Variants in MAP2K5 observed in about 807,000 individuals in gnomAD.
The protein encoded by MAP2K5 is mitogen-activated protein kinase kinase 5, also known as dual specificity mitogen-activated protein kinase kinase 5.
Under a neutral mutation model 83.1 loss-of-function variants are expected in MAP2K5, and 49 were observed. The ratio of observed to expected loss-of-function variants is 0.59; its 90% CI spans 0.47 to 0.75. MAP2K5 has a LOEUF of 0.75. MAP2K5 is among the 30% of genes least tolerant of loss of function. MAP2K5 has a pLI of 0.00. For missense variants in MAP2K5, 457 were observed against 557.5 expected, an observed-to-expected ratio of 0.82 and a Z score of 1.82; for synonymous variants, 202 against 191.8, an observed-to-expected ratio of 1.05 and a Z score of -0.44.
chr15:67,584,049 A>G (rs548476563), intron 4 of MAP2K5, among the ~76,000 whole-genome samples: 8 of 152,270 alleles, frequency 5.3e-5, no homozygotes, highest in African/African-American at 1.9e-4. Flanking sequence ...ATGCCTGGCC[A>G]TAATTCTGAT....
intron 2 of MAP2K5, among the ~76,000 whole-genome samples, chr15:67,556,378 C>T (rs1360428502): frequency 6.6e-6 from 1 of 151,952 alleles, no homozygotes; most frequent in Non-Finnish European, 1.5e-5. Context: ...TTCTACAGTC[C>T]AGGATATTGA....
intron 19 of MAP2K5, among the ~76,000 whole-genome samples, chr15:67,763,169 G>C (rs1316102842): frequency 6.6e-6 from 1 of 152,016 alleles, no homozygotes; most frequent in African/African-American, 2.4e-5. Context: ...TAAGTTCAAA[G>C]CCTCGCTTTC....
chr15:67,629,077 A>C, intron 8 of MAP2K5: 1 of 738,394 alleles, frequency 1.4e-6, no homozygotes, highest in Admixed American at 1.7e-5. Context: ...CCATGAAACC[A>C]AGGTGGCCAT....
intron 13 of MAP2K5, among the ~76,000 whole-genome samples, chr15:67,687,428 A>G (rs1238013708): frequency 6.6e-6 from 1 of 152,220 alleles, no homozygotes; most frequent in African/African-American, 2.4e-5. Flanking sequence ...TACATAAACA[A>G]CATTGTTATC....
At chr15:67,681,727 G>A (rs74020405) in intron 13 of MAP2K5, among the ~76,000 whole-genome samples, 2,280 of 152,298 alleles carry the variant, frequency 0.015, 60 homozygotes, top group African/African-American at 0.052. Context: ...TTTATGTGTT[G>A]CGGTAGAAGA....
chr15:67,591,537 T>G (rs908008134), intron 6 of MAP2K5, among the ~76,000 whole-genome samples: 1 of 150,698 alleles, frequency 6.6e-6, no homozygotes, highest in Non-Finnish European at 1.5e-5. Context: ...ACCCGGCTAA[T>G]TTTTTGTATT....
At chr15:67,608,159 C>G (rs781285538) in intron 8 of MAP2K5, among the ~76,000 whole-genome samples, 97 of 152,140 alleles carry the variant, frequency 6.4e-4, no homozygotes, top group Non-Finnish European at 1.2e-3. Context: ...GATCTAATTT[C>G]CATTTGAATC....
chr15:67,669,248 A>G (rs2087465277), intron 13 of MAP2K5, among the ~76,000 whole-genome samples: 1 of 152,180 alleles, frequency 6.6e-6, no homozygotes, highest in South Asian at 2.1e-4. Context: ...GTGGGTTAGG[A>G]AACATTTCTT....
intron 8 of MAP2K5, chr15:67,628,857 G>A (rs2086390278): frequency 8.0e-6 from 6 of 748,770 alleles, no homozygotes; most frequent in Admixed American, 1.7e-5. Context: ...GGCTTTGATG[G>A]CAGCCGTGGT....
chr15:67,707,433 T>C (rs2088583133), intron 16 of MAP2K5, among the ~76,000 whole-genome samples: 1 of 152,220 alleles, frequency 6.6e-6, no homozygotes, highest in Admixed American at 6.5e-5. Flanking sequence ...TTCTGTAACA[T>C]AGTCAACACT....
intron 3 of MAP2K5, among the ~76,000 whole-genome samples, chr15:67,575,934 TTTTAAGATGGAG>T (rs2085054047): frequency 6.9e-6 from 1 of 145,336 alleles, no homozygotes. Context: ...TTTTTTTTTT[TTTTAAGATGGAG>T]TCTTGCTGTG....
chr15:67,616,015 T>G (rs2086046324), intron 8 of MAP2K5, among the ~76,000 whole-genome samples: 1 of 152,194 alleles, frequency 6.6e-6, no homozygotes, highest in Non-Finnish European at 1.5e-5. Context: ...TCCTAATAGT[T>G]TAACCCCCTC....
Position 67,802,172 on chromosome 15 carries a change from C to T in MAP2K5, c.1243-4474C>T, listed in dbSNP as rs761528078. Among the ~76,000 whole-genome samples, 17 of 152,120 alleles carry T rather than the reference C, an allele frequency of 1.1e-4. No homozygotes were observed. The highest frequency in any genetic ancestry group is 2.1e-4 in the Non-Finnish European group (14 of 68,040). On this transcript the variant is annotated intron_variant, in intron 21 of 21. Transcript: ENST00000178640. This position sits in a 1 kb window ranked among gnomAD's most constrained non-coding sequence, Gnocchi z 5.0. ...CATCTCAGCACAGTGGAACATGTGG[C>T]CAGGAATTAGGGACGTTAGTACAGA...
At position 67,644,693 on chromosome 15, in the gene MAP2K5, G is replaced by C. The variant is rs905726416; in HGVS notation, c.586-1538G>C. ...TCTGTGGCTCCCAGGAGGGAAACGT[G>C]GTTTCCTCCTCACTCAAAAGAAGGG... On this transcript the variant is annotated intron_variant, in intron 9 of 21. Coordinates refer to ENST00000178640, the MANE Select transcript of MAP2K5 (RefSeq NM_145160.3). This position sits in a 1 kb window ranked among gnomAD's most constrained non-coding sequence, Gnocchi z 4.6. Among the ~76,000 whole-genome samples, 11 of 151,888 alleles carry C rather than the reference G, an allele frequency of 7.2e-5. No homozygotes were observed. The highest frequency in any genetic ancestry group is 5.2e-4 in the Admixed American group (8 of 15,268).
intron 13 of MAP2K5, among the ~76,000 whole-genome samples, chr15:67,670,704 A>G (rs1440500304): frequency 2.6e-5 from 4 of 152,022 alleles, no homozygotes; most frequent in Non-Finnish European, 5.9e-5. Flanking sequence ...CTTAAAAAAC[A>G]GCCAGCCAAC....
At chr15:67,796,594 C>T (rs1341390392) in intron 21 of MAP2K5, among the ~76,000 whole-genome samples, 1 of 152,222 alleles carries the variant, frequency 6.6e-6, no homozygotes, top group Non-Finnish European at 1.5e-5. Flanking sequence ...GCCCCATCCC[C>T]AACATTGGTG....
chr15:67,570,298 C>G (rs1246815058), intron 3 of MAP2K5, among the ~76,000 whole-genome samples: 1 of 152,204 alleles, frequency 6.6e-6, no homozygotes, highest in Non-Finnish European at 1.5e-5. Flanking sequence ...ATAAATACAT[C>G]TGTCCAATAA....
chr15:67,716,836 CAA>C (rs764463826), intron 16 of MAP2K5, among the ~76,000 whole-genome samples: 1 of 152,118 alleles, frequency 6.6e-6, no homozygotes, highest in African/African-American at 2.4e-5. Context: ...TAACACTTAA[CAA>C]AGCTATTTGG....
Position 67,563,229 on chromosome 15 carries a change from TTG to T in MAP2K5, c.185-51_185-50del. 1 of 1,583,050 alleles carries T rather than the reference TTG, an allele frequency of 6.3e-7. No individual in the cohort carries two copies. The highest frequency in any genetic ancestry group is 8.6e-7 in the Non-Finnish European group (1 of 1,167,756). ...ATAAACCGTTTATATTATGTTCCCT[TTG>T]TGCATTAAACAAATGCACACCTTAT... On this transcript the variant is annotated intron_variant, in intron 2 of 21. Coordinates refer to ENST00000178640, the MANE Select transcript of MAP2K5 (RefSeq NM_145160.3). This position sits in a 1 kb window ranked among gnomAD's most constrained non-coding sequence, Gnocchi z 4.5.
Sources: allele counts gnomAD v4.1 joint callset (sites outside exome capture counted in the v4.1 genomes callset), GRCh38; gene constraint gnomAD v4.1.1; non-coding constraint Gnocchi (gnomAD v3.1); transcripts MANE v1.5; gene names NCBI Gene and HGNC (gene_info 2026-07-23, HGNC 2026-07-21).